The following VAT1L variants were observed in gnomAD, a reference collection of about 807,000 sequenced individuals.
The protein encoded by VAT1L is vesicle amine transport 1 like.
VAT1L carries 34 observed loss-of-function variants against 44.1 expected under a neutral mutation model. That is an observed-to-expected ratio of 0.77 (90% CI 0.59 to 1.03). The LOEUF (loss-of-function observed/expected upper bound fraction) is 1.03, where lower values mean the gene tolerates loss of function less well. VAT1L is among the 50% of genes least tolerant of loss of function. VAT1L has a pLI of 0.00. For missense variants in VAT1L, 615 were observed against 538.8 expected (o/e 1.14, Z -1.40); for synonymous variants, 253 against 202.2 (o/e 1.25, Z -2.13).
At chr16:77,814,377 C>T (rs1002199600) in intron 1 of VAT1L, among the ~76,000 whole-genome samples, 14 of 152,194 alleles carry the variant, frequency 9.2e-5, no homozygotes, top group East Asian at 5.8e-4. Flanking sequence ...CTGACAGAAT[C>T]GCCTAATGCC....
At chr16:77,939,095 T>C (rs2017842329) in intron 7 of VAT1L, among the ~76,000 whole-genome samples, 1 of 152,172 alleles carries the variant, frequency 6.6e-6, no homozygotes, top group African/African-American at 2.4e-5. Context: ...GCCCTGTTAG[T>C]TCCTAGGTAC....
chr16:77,806,785 A>G (rs1394028417), intron 1 of VAT1L, among the ~76,000 whole-genome samples: 1 of 152,152 alleles, frequency 6.6e-6, no homozygotes, highest in African/African-American at 2.4e-5. Flanking sequence ...ATCTTAGGAA[A>G]CAGCTGTCAT....
chr16:77,976,980 A>C (rs1001640550), intron 8 of VAT1L, among the ~76,000 whole-genome samples: 15 of 152,162 alleles, frequency 9.9e-5, no homozygotes, highest in African/African-American at 3.6e-4. Flanking sequence ...TCAAGACTTC[A>C]ACCCTGGGGA....
At position 77,799,549 on chromosome 16, in the gene VAT1L, GT is replaced by G. The variant is rs1567466657; in HGVS notation, c.233+10635del. 7.8e-3 allele frequency among the ~76,000 whole-genome samples: 1,033 copies of G among 132,682 alleles called. 13 individuals carry two copies. Among genetic ancestry groups the G allele is most frequent in the African/African-American group, 0.028 (986 of 35,672 alleles). The allele number at this position is 132,682 out of a possible 152,430, so 87.0% of individuals were successfully genotyped here. A position where few individuals can be genotyped will look rare whatever the true frequency, so the allele number is the denominator to read the frequency against. On this transcript the variant is annotated intron_variant, in intron 1 of 8. Transcript: ENST00000302536. ...TGTGTGTGTGTGTGTGTGTGTGTGT[GT>G]GTGTGTGGTGTGTATTGGGGGAAAA...
At chr16:77,798,151 G>A (rs1264271891) in intron 1 of VAT1L, among the ~76,000 whole-genome samples, 1 of 152,096 alleles carries the variant, frequency 6.6e-6, no homozygotes, top group African/African-American at 2.4e-5. Context: ...CAAAGCATTG[G>A]GTCCTCTCAC....
chr16:77,816,862 C>A, intron 1 of VAT1L, 59 bp from the exon 2 acceptor site: 1 of 1,502,138 alleles, frequency 6.7e-7, no homozygotes, highest in South Asian at 1.4e-5. Flanking sequence ...AAAACCAGGT[C>A]GGTGCTTTCT....
intron 4 of VAT1L, among the ~76,000 whole-genome samples, chr16:77,868,014 T>G (rs1331609290): frequency 6.6e-6 from 1 of 152,202 alleles, no homozygotes; most frequent in Non-Finnish European, 1.5e-5. Context: ...CCTTGTAAAC[T>G]CATCATAAGC....
At chr16:77,835,181 T>C (rs918383709) in intron 3 of VAT1L, among the ~76,000 whole-genome samples, 1 of 152,174 alleles carries the variant, frequency 6.6e-6, no homozygotes, top group African/African-American at 2.4e-5. Flanking sequence ...ACAAGCCAAT[T>C]TTTTCTATAT....
intron 3 of VAT1L, among the ~76,000 whole-genome samples, chr16:77,838,874 TTCTC>T (rs1431088479): frequency 6.6e-6 from 1 of 151,854 alleles, no homozygotes; most frequent in Admixed American, 6.6e-5. Flanking sequence ...CCTTTATTCT[TTCTC>T]TCCACCCCCC....
chr16:77,830,499 T>C (rs1302614118), intron 3 of VAT1L, among the ~76,000 whole-genome samples: 2 of 151,824 alleles, frequency 1.3e-5, no homozygotes, highest in Non-Finnish European at 1.5e-5. Flanking sequence ...GTGGGAGGAG[T>C]CTTTCCCATG....
intron 2 of VAT1L, among the ~76,000 whole-genome samples, chr16:77,818,133 C>T (rs991980103): frequency 6.6e-6 from 1 of 152,136 alleles, no homozygotes; most frequent in African/African-American, 2.4e-5. Flanking sequence ...TCCCAGCCCC[C>T]AAATACTGCA....
At chr16:77,798,148 T>C (rs565004484) in intron 1 of VAT1L, among the ~76,000 whole-genome samples, 72 of 152,224 alleles carry the variant, frequency 4.7e-4, no homozygotes, top group South Asian at 3.7e-3. Context: ...AGCCAAAGCA[T>C]TGGGTCCTCT....
intron 7 of VAT1L, among the ~76,000 whole-genome samples, chr16:77,949,728 T>A (rs1056160061): frequency 3.3e-5 from 5 of 152,222 alleles, no homozygotes; most frequent in Non-Finnish European, 5.9e-5. Context: ...TTCCACCAGA[T>A]GCTCAATCTT....
At chr16:77,825,648 G>T (rs923664210) in intron 3 of VAT1L, among the ~76,000 whole-genome samples, 187 bp downstream of exon 3, 9 of 152,054 alleles carry the variant, frequency 5.9e-5, no homozygotes, top group Non-Finnish European at 7.4e-5. Flanking sequence ...CTGAGAGATG[G>T]TTTCTCTGGA....
At chr16:77,834,488 G>A (rs111617901) in intron 3 of VAT1L, among the ~76,000 whole-genome samples, 16 of 152,240 alleles carry the variant, frequency 1.1e-4, no homozygotes, top group South Asian at 6.2e-4. Context: ...GGCCTGCCCC[G>A]TCCTGTGAGA....
chr16:77,844,860 GTA>G (rs35465967), intron 3 of VAT1L, among the ~76,000 whole-genome samples: 6 of 151,362 alleles, frequency 4.0e-5, no homozygotes, highest in East Asian at 3.9e-4. Context: ...GTGTGCATGT[GTA>G]TATATATATA....
chr16:77,825,260 C>T lies in VAT1L; in HGVS notation c.378C>T (p.Val126=). 1 of 1,614,134 alleles carries T rather than the reference C, an allele frequency of 6.2e-7. No individual in the cohort carries two copies. The highest frequency in any genetic ancestry group is 8.5e-7 in the Non-Finnish European group (1 of 1,180,044). Residue 126 remains valine, a synonymous_variant, in exon 3 of 9, where the codon GTC becomes GTT. Coordinates refer to ENST00000302536, the MANE Select transcript of VAT1L (RefSeq NM_020927.3). ...SVKGYEIGDR[V]MAFVNYNAWA... ...CCCATGCCCAGATTGGAGACCGTGTCATGGCATTTGTCAATTACAATGCCT... is the reference window on the plus strand; with the variant it reads ...CCCATGCCCAGATTGGAGACCGTGTTATGGCATTTGTCAATTACAATGCCT...
In VAT1L at chr16:77,879,505, G is replaced by A. The variant is rs1206109006; in HGVS notation, c.882+281G>A. ...GGGGTTTCACCGTGTTGGCCAGGAT[G>A]GTCTCAATCTGACCTCGTGATCTGC... On this transcript the variant is annotated intron_variant, in intron 6 of 8. Coordinates refer to ENST00000302536, the MANE Select transcript of VAT1L (RefSeq NM_020927.3). The surrounding 1 kb of genome is among the most constrained non-coding windows in gnomAD (Gnocchi z 4.1). Among the ~76,000 whole-genome samples the A allele has an allele frequency of 1.3e-5, 2 of 152,130 alleles. No individual in the cohort carries two copies. Among genetic ancestry groups the A allele is most frequent in the Non-Finnish European group, 2.9e-5 (2 of 68,034 alleles).
chr16:77,798,055 G>C (rs1248522806), intron 1 of VAT1L, among the ~76,000 whole-genome samples: 1 of 152,266 alleles, frequency 6.6e-6, no homozygotes, highest in South Asian at 2.1e-4. Flanking sequence ...TCAGTCTCCT[G>C]TCACTGACCC....
Sources: allele counts gnomAD v4.1 joint callset (sites outside exome capture counted in the v4.1 genomes callset), GRCh38; gene constraint gnomAD v4.1.1; non-coding constraint Gnocchi (gnomAD v3.1); transcripts MANE v1.5; gene names NCBI Gene and HGNC (gene_info 2026-07-23, HGNC 2026-07-21).